Variants in DDX18 observed in about 807,000 individuals in gnomAD.
The protein encoded by DDX18 is ATP-dependent RNA helicase DDX18.
In DDX18, 23 loss-of-function variants were observed where a neutral mutation model predicts 73.5. The ratio of observed to expected loss-of-function variants is 0.31; its 90% confidence interval spans 0.23 to 0.44. The LOEUF (loss-of-function observed/expected upper bound fraction) is 0.44. Among genes scored for constraint, DDX18 ranks in the 20% least tolerant of loss-of-function variants. The probability of loss-of-function intolerance (pLI) is 1.00; values close to 1 mark genes in which losing one functional copy is unlikely to be tolerated. For missense variants in DDX18, 753 were observed against 792.9 expected (o/e 0.95, Z 0.60); for synonymous variants, 268 against 282.7 (o/e 0.95, Z 0.52).
At chr2:117,827,697 A>G (rs958730741) in intron 11 of DDX18, 2 of 152,214 alleles carry the variant, frequency 1.3e-5, no homozygotes, top group East Asian at 1.9e-4. Flanking sequence ...ATAGTATTCC[A>G]TGGTGTGTAT....
intron 1 of DDX18, chr2:117,815,194 A>G: frequency 3.4e-6 from 1 of 293,876 alleles, no homozygotes; most frequent in South Asian, 4.5e-5. Flanking sequence ...TGCAAGTCGC[A>G]CCTCACCTCA....
At chr2:117,825,670 G>A in intron 10 of DDX18, 71 bp downstream of exon 10, 2 of 1,538,290 alleles carry the variant, frequency 1.3e-6, no homozygotes, top group East Asian at 4.5e-5. Flanking sequence ...CCAGTTCCCT[G>A]ACGGAAACTG....
At position 117,814,763 on chromosome 2, in the gene DDX18, C is replaced by T. The variant is rs772047313; in HGVS notation, c.-15C>T. The T allele has an allele frequency of 8.7e-6, 14 of 1,613,914 alleles. No homozygotes were observed. In the East Asian group the frequency reaches 8.9e-5, roughly 10 times the overall value. On this transcript the variant is annotated 5_prime_UTR_variant, in exon 1 of 14. Transcript: ENST00000263239. ...GTACTGTGTGGCGCCTTATTCTAGG[C>T]ACTTGTTGGGCAGAATGTCACACCT...
rs1679785195 is a variant in DDX18 at position 117,817,829 on chromosome 2, C to G, written c.370+101C>G. ...TGTGTGCACATGACATGAGAATTCC[C>G]TGTACTCACCAGTATGTTAGAGATT... On this transcript the variant is annotated intron_variant, in intron 2 of 13. Transcript: ENST00000263239. The G allele has an allele frequency of 1.0e-5, 13 of 1,246,802 alleles. No homozygotes were observed. The South Asian group carries it at 2.0e-4, about 20-fold the overall frequency. 77.2% of individuals were successfully genotyped at this position (1,246,802 alleles called of 1,614,324 possible).
intron 11 of DDX18, chr2:117,828,608 T>G: frequency 4.6e-6 from 1 of 215,838 alleles, no homozygotes; most frequent in Non-Finnish European, 9.2e-6. Context: ...GGGCCCCTCT[T>G]CTGACATGGA....
At chr2:117,817,260 T>G (rs1214484685) in intron 1 of DDX18, among the ~76,000 whole-genome samples, 184 bp from the exon 2 acceptor site, 1 of 152,214 alleles carries the variant, frequency 6.6e-6, no homozygotes, top group Non-Finnish European at 1.5e-5. Flanking sequence ...ATTTTTTCTT[T>G]AAGATAACTT....
intron 13 of DDX18, 130 bp downstream of exon 13, chr2:117,829,596 G>T: frequency 1.1e-6 from 1 of 879,312 alleles, no homozygotes; most frequent in Non-Finnish European, 1.8e-6. Context: ...CACCCTGGTC[G>T]ATGTCTGCTT....
chr2:117,823,639 A>AT (rs1324382554), intron 7 of DDX18, among the ~76,000 whole-genome samples: 2 of 151,580 alleles, frequency 1.3e-5, no homozygotes, highest in Admixed American at 6.6e-5. Context: ...TCTTTATTTA[A>AT]TTTTTTTTTC....
chr2:117,820,764 G>A (rs1679832296), intron 3 of DDX18, among the ~76,000 whole-genome samples: 1 of 149,616 alleles, frequency 6.7e-6, no homozygotes, highest in South Asian at 2.1e-4. Flanking sequence ...AGATTAACAG[G>A]TTTTTTTTTT....
chr2:117,826,693 C>T, intron 11 of DDX18: 1 of 320,260 alleles, frequency 3.1e-6, no homozygotes, highest in Non-Finnish European at 5.9e-6. Context: ...CTAGTCATCT[C>T]TGCTTCTGCT....
At position 117,822,076 on chromosome 2, in the gene DDX18, G is replaced by GT; in HGVS notation, c.951+15_951+16insT. ...ACCATATGCAGGTAAGAGATGTAGT[G>GT]CTTGTCTCATTGTCTTGTATGAAAC... On this transcript the variant is annotated intron_variant, in intron 6 of 13. Coordinates refer to ENST00000263239, the MANE Select transcript of DDX18 (RefSeq NM_006773.4). The GT allele has an allele frequency of 6.2e-7, 1 of 1,613,948 alleles. No homozygotes were observed.
chr2:117,823,096 T>G (rs1021354048), intron 7 of DDX18, among the ~76,000 whole-genome samples: 2 of 152,226 alleles, frequency 1.3e-5, no homozygotes, highest in African/African-American at 2.4e-5. Flanking sequence ...TTCCTCCTAT[T>G]AAGTCTTGAC....
Position 117,830,893 on chromosome 2 carries a change from T to C in DDX18, c.*169T>C. ...TGTTACTTCTATCACGTCTCTCTTT[T>C]ATTTCTGGGATATAAAACAGGCTTT... On this transcript the variant is annotated 3_prime_UTR_variant, in exon 14 of 14. Coordinates refer to ENST00000263239, the MANE Select transcript of DDX18 (RefSeq NM_006773.4). 2 of 714,682 alleles carry C rather than the reference T, an allele frequency of 2.8e-6. No homozygotes were observed. The highest frequency in any genetic ancestry group is 4.5e-6 in the Non-Finnish European group (2 of 448,404). 44.3% of individuals were successfully genotyped at this position (714,682 alleles called of 1,614,324 possible).
chr2:117,830,547 C>A, intron 13 of DDX18, 35 bp from the exon 14 acceptor site: 4 of 1,598,922 alleles, frequency 2.5e-6, no homozygotes, highest in Non-Finnish European at 2.6e-6. Flanking sequence ...AGTTCATTAT[C>A]TTTTTTGCTT....
rs968668670 is a variant in DDX18 at position 117,814,706 on chromosome 2, G to A, written c.-72G>A. 4 of 1,490,954 alleles carry A rather than the reference G, an allele frequency of 2.7e-6. No homozygotes were observed. The highest frequency in any genetic ancestry group is 3.7e-6 in the Non-Finnish European group (4 of 1,081,540). 92.4% of individuals were successfully genotyped at this position (1,490,954 alleles called of 1,614,324 possible). On this transcript the variant is annotated 5_prime_UTR_variant, in exon 1 of 14. Coordinates refer to ENST00000263239, the MANE Select transcript of DDX18 (RefSeq NM_006773.4). ...CGAGCTGCGCACGTGCGGCCGGAAG[G>A]GAAGTAACGTCAGCCTGAGAACTGA...
chr2:117,818,164 A>G (rs1679789079), intron 2 of DDX18, among the ~76,000 whole-genome samples: 1 of 152,204 alleles, frequency 6.6e-6, no homozygotes, highest in South Asian at 2.1e-4. Flanking sequence ...CAGGAGGAAA[A>G]GGAAGGAATG....
At chr2:117,825,751 T>A in intron 10 of DDX18, 152 bp downstream of exon 10, 1 of 929,114 alleles carries the variant, frequency 1.1e-6, no homozygotes, top group Non-Finnish European at 1.6e-6. Flanking sequence ...GAAAAGTACT[T>A]AAGGCTTTTC....
At chr2:117,827,085 G>A (rs1679939408) in intron 11 of DDX18, 1 of 152,338 alleles carries the variant, frequency 6.6e-6, no homozygotes, top group South Asian at 2.1e-4. Context: ...CCATGTGGGG[G>A]ATGCATATCA....
At chr2:117,820,695 C>T (rs986479169) in intron 3 of DDX18, among the ~76,000 whole-genome samples, 2 of 152,158 alleles carry the variant, frequency 1.3e-5, no homozygotes, top group African/African-American at 4.8e-5. Context: ...TTACTTGATA[C>T]GTAGGCTCAG....
Sources: gnomAD v4.1 joint callset for allele counts (sites outside exome capture counted in the v4.1 genomes callset) on GRCh38, gnomAD v4.1.1 for gene constraint, MANE v1.5 for transcripts, NCBI Gene and HGNC (gene_info 2026-07-23, HGNC 2026-07-21) for gene names.